The following SPTLC2 variants were observed in gnomAD, a reference collection of about 807,000 sequenced individuals.
The protein encoded by SPTLC2 is serine palmitoyltransferase 2.
SPTLC2 carries 21 observed loss-of-function variants against 62.0 expected under a neutral mutation model. The observed-to-expected ratio is 0.34, with a 90% CI of 0.24 to 0.49. The LOEUF is 0.49. Among genes scored for constraint, SPTLC2 ranks in the 20% least tolerant of loss-of-function variants. The probability of loss-of-function intolerance (pLI) is 0.99; values close to 1 mark genes in which losing one functional copy is unlikely to be tolerated. For missense variants in SPTLC2, 511 were observed against 713.0 expected (o/e 0.72, Z 3.23); for synonymous variants, 261 against 261.8 (o/e 1.00, Z 0.03).
At chr14:77,545,653 A>G (rs2079524703) in intron 9 of SPTLC2, among the ~76,000 whole-genome samples, 1 of 152,216 alleles carries the variant, frequency 6.6e-6, no homozygotes, top group African/African-American at 2.4e-5. Flanking sequence ...AAGTTGGGGA[A>G]CAGCTAGGAT....
intron 1 of SPTLC2, among the ~76,000 whole-genome samples, chr14:77,615,339 T>C (rs1168355452): frequency 6.6e-6 from 1 of 152,262 alleles, no homozygotes; most frequent in Non-Finnish European, 1.5e-5. Flanking sequence ...TATTTTCTGC[T>C]TCGCAGCAAA....
chr14:77,613,141 GAAGAAATTTGGTAATT>G (rs1163842225), intron 1 of SPTLC2, among the ~76,000 whole-genome samples: 1 of 152,118 alleles, frequency 6.6e-6, no homozygotes, highest in African/African-American at 2.4e-5. Context: ...AAATCCACAG[GAAGAAATTTGGTAATT>G]AAGATCATGG....
chr14:77,525,497 G>A (rs2079404437), intron 9 of SPTLC2, among the ~76,000 whole-genome samples: 1 of 152,000 alleles, frequency 6.6e-6, no homozygotes, highest in Non-Finnish European at 1.5e-5. Flanking sequence ...GGCTGAGGCA[G>A]GAGAATTGCT....
intron 4 of SPTLC2, among the ~76,000 whole-genome samples, chr14:77,575,779 T>C (rs1363127294): frequency 6.6e-6 from 1 of 152,202 alleles, no homozygotes; most frequent in Non-Finnish European, 1.5e-5. Flanking sequence ...CTGATCTTCC[T>C]ATCTTGGCCT....
intron 10 of SPTLC2, 45 bp from the exon 11 acceptor site, chr14:77,518,212 G>A (rs988262853): frequency 1.2e-6 from 2 of 1,612,972 alleles, no homozygotes; most frequent in African/African-American, 2.7e-5. Context: ...GAGTGAAAAA[G>A]CACTCATTAC....
chr14:77,569,050 G>T (rs535296283), intron 5 of SPTLC2, among the ~76,000 whole-genome samples: 1 of 152,212 alleles, frequency 6.6e-6, no homozygotes, highest in East Asian at 1.9e-4. Flanking sequence ...AGGCATAAAT[G>T]GGATAAGCAC....
chr14:77,518,403 C>G (rs2079369294), intron 10 of SPTLC2, among the ~76,000 whole-genome samples: 1 of 152,102 alleles, frequency 6.6e-6, no homozygotes, highest in South Asian at 2.1e-4. Flanking sequence ...AATAACCAGC[C>G]TGGGCAACAT....
chr14:77,572,432 T>C (rs57854550), intron 4 of SPTLC2, among the ~76,000 whole-genome samples: 10,135 of 152,238 alleles, frequency 0.067, 374 homozygotes, highest in South Asian at 0.1. Flanking sequence ...AAAAAAGATA[T>C]TTTGACGTCC....
chr14:77,530,983 C>T (rs963526206), intron 9 of SPTLC2, among the ~76,000 whole-genome samples: 1 of 152,208 alleles, frequency 6.6e-6, no homozygotes, highest in Non-Finnish European at 1.5e-5. Context: ...TCCCTAACAC[C>T]GCCTCCGCCA....
intron 1 of SPTLC2, among the ~76,000 whole-genome samples, chr14:77,612,309 G>A (rs1398734256): frequency 6.6e-6 from 1 of 152,226 alleles, no homozygotes; most frequent in African/African-American, 2.4e-5. Context: ...TAAAAAGTGG[G>A]CAAGTCTGAC....
intron 2 of SPTLC2, among the ~76,000 whole-genome samples, chr14:77,583,439 T>G (rs2079764446): frequency 6.6e-6 from 1 of 152,042 alleles, no homozygotes. Flanking sequence ...ATTCATTCAT[T>G]CAAATATATC....
At position 77,520,559 on chromosome 14, in the gene SPTLC2, A is replaced by T. The variant is rs939565474; in HGVS notation, c.1439+887T>A. Among the ~76,000 whole-genome samples the T allele has an allele frequency of 3.9e-5, 6 of 152,224 alleles. No individual in the cohort carries two copies. The East Asian group carries it at 9.6e-4, about 24-fold the overall frequency. ...CCAACAAGATGTGCCTTTCTTACTG[A>T]GCCTATACTAAGCAGGTCACTCCTT... On this transcript the variant is annotated intron_variant, in intron 10 of 11. Coordinates refer to ENST00000216484, the MANE Select transcript of SPTLC2 (RefSeq NM_004863.4).
chr14:77,553,130 A>G (rs2140018621), intron 8 of SPTLC2, among the ~76,000 whole-genome samples: 1 of 152,348 alleles, frequency 6.6e-6, no homozygotes, highest in South Asian at 2.1e-4. Context: ...AAGGATTTCA[A>G]AAAAACTTAA....
In SPTLC2 at chr14:77,576,835, C is replaced by G; in HGVS notation, c.563G>C (p.Cys188Ser). ...AAGGACTTTGGCGGCTGCTTCTTGA[C>G]ATGATCCAGTATTCCGTGCAAATCC... is the stretch of plus-strand genomic sequence containing the variant. ...YLGFARNTGS[C>S]QEAAAKVLEE... Residue 188 changes from cysteine (C) to serine (S), a missense_variant, in exon 4 of 12, where the codon TGT (cysteine) becomes TCT (serine). Cys to Ser is a moderately radical substitution (Grantham distance 112, BLOSUM62 -1). Coordinates refer to ENST00000216484, the MANE Select transcript of SPTLC2 (RefSeq NM_004863.4). 6.2e-7 allele frequency: 1 copy of G among 1,614,206 alleles called. No individual in the cohort carries two copies. Among genetic ancestry groups the G allele is most frequent in the Non-Finnish European group, 8.5e-7 (1 of 1,180,036 alleles).
intron 11 of SPTLC2, among the ~76,000 whole-genome samples, chr14:77,517,402 A>G (rs1272458659): frequency 6.6e-6 from 1 of 152,248 alleles, no homozygotes; most frequent in Non-Finnish European, 1.5e-5. Context: ...ACATATTAAG[A>G]GAATATATAG....
At chr14:77,577,268 A>G (rs2079721928) in intron 3 of SPTLC2, among the ~76,000 whole-genome samples, 1 of 152,044 alleles carries the variant, frequency 6.6e-6, no homozygotes, top group Non-Finnish European at 1.5e-5. Flanking sequence ...ATATATACAC[A>G]TGAGGATCCT....
chr14:77,547,174 A>AT (rs58170769), intron 9 of SPTLC2, among the ~76,000 whole-genome samples: 44 of 147,490 alleles, frequency 3.0e-4, no homozygotes, highest in African/African-American at 5.5e-4. Flanking sequence ...GGAAACAAGT[A>AT]TTTTTTTTTT....
At chr14:77,514,986 T>A (rs372957292) in intron 11 of SPTLC2, among the ~76,000 whole-genome samples, 3 of 152,248 alleles carry the variant, frequency 2.0e-5, no homozygotes, top group African/African-American at 7.2e-5. Context: ...CTCTTCTGCA[T>A]CCAGCTGACC....
intron 5 of SPTLC2, among the ~76,000 whole-genome samples, chr14:77,564,421 AC>A: frequency 1.5e-5 from 1 of 68,484 alleles, no homozygotes; most frequent in African/African-American, 5.9e-5. Context: ...ACACACACAC[AC>A]ACACACACAC....
Sources: allele counts gnomAD v4.1 joint callset (sites outside exome capture counted in the v4.1 genomes callset), GRCh38; gene constraint gnomAD v4.1.1; transcripts MANE v1.5; gene names NCBI Gene and HGNC (gene_info 2026-07-23, HGNC 2026-07-21).